ITGA5: variants seen among roughly 807,000 people sequenced by gnomAD.
ITGA5 encodes the protein integrin subunit alpha 5.
In ITGA5, 55 loss-of-function variants were observed where a neutral mutation model predicts 146.3. The observed-to-expected ratio is 0.38, with a 90% confidence interval of 0.30 to 0.47. The LOEUF (loss-of-function observed/expected upper bound fraction) is 0.47. ITGA5 is among the 20% of genes least tolerant of loss of function. ITGA5 has a pLI of 0.99. For missense variants in ITGA5, 1,131 were observed against 1,329.0 expected (o/e 0.85, Z 2.32); for synonymous variants, 500 against 531.8 (o/e 0.94, Z 0.82).
rs748546935 is a variant in ITGA5 at position 54,402,060 on chromosome 12, C to G, written c.2167G>C (p.Val723Leu). 6.2e-7 allele frequency: 1 copy of G among 1,614,060 alleles called. No homozygotes were observed. Among genetic ancestry groups the G allele is most frequent in the East Asian group, 2.2e-5 (1 of 44,884 alleles). ...CACACCAGCAGGCGGCTCTGGTTCA[C>G]GGCAAAGTAGTCACAGCTCAGGCTG... is the stretch of plus-strand genomic sequence containing the variant. Reference protein sequence around the residue: ...FSSLSCDYFAVNQSRLLVCDL... With the variant: ...FSSLSCDYFALNQSRLLVCDL... The change falls in exon 21 of 30, where the codon GTG becomes CTG. Residue 723 changes from valine (V) to leucine (L), a missense_variant. Physicochemically the swap from Val to Leu is conservative, Grantham distance 32. Around this residue, in one of 3 missense-constraint regions of ITGA5, gnomAD observed 889 missense variants for 1,021.5 expected, o/e 0.87. Transcript: ENST00000293379.
intron 20 of ITGA5, 27 bp from the exon 21 acceptor site, chr12:54,402,120 G>C: frequency 6.2e-7 from 1 of 1,613,892 alleles, no homozygotes; most frequent in South Asian, 1.1e-5. Flanking sequence ...CACTGGTCAG[G>C]TTTTGGTGTC....
chr12:54,398,773 T>A, intron 27 of ITGA5, 75 bp from the exon 28 acceptor site: 1 of 929,690 alleles, frequency 1.1e-6, no homozygotes, highest in Non-Finnish European at 1.6e-6. Flanking sequence ...ATCGTCTGGC[T>A]GGGGTTGTGA....
In ITGA5 at chr12:54,401,508, G is replaced by T; in HGVS notation, c.2388-30C>A. On this transcript the variant is annotated intron_variant, in intron 23 of 29. Coordinates refer to ENST00000293379, the MANE Select transcript of ITGA5 (RefSeq NM_002205.5). The surrounding 1 kb of genome is among the most constrained non-coding windows in gnomAD (Gnocchi z 5.0). Reference sequence around the variant, plus strand: ...GGAGGAGGGTGGTTTAGAGGAGGGTGGAAGGAACCCCATATGCATCCTTCC... The same window carrying T: ...GGAGGAGGGTGGTTTAGAGGAGGGTTGAAGGAACCCCATATGCATCCTTCC... 6.2e-7 allele frequency: 1 copy of T among 1,607,222 alleles called. No homozygotes were observed. The highest frequency in any genetic ancestry group is 8.5e-7 in the Non-Finnish European group (1 of 1,173,808).
At chr12:54,398,985 A>G (rs939054201) in intron 27 of ITGA5, among the ~76,000 whole-genome samples, 4 of 151,810 alleles carry the variant, frequency 2.6e-5, no homozygotes, top group Admixed American at 6.6e-5. Context: ...GACTACAGGC[A>G]TGTGCCATCA....
Position 54,419,099 on chromosome 12 carries a change from G to GCAGCAGCAGCAA in ITGA5, c.88_99dup (p.Leu30_Leu33dup). 1.3e-6 allele frequency: 2 copies of GCAGCAGCAGCAA among 1,587,538 alleles called. No homozygotes were observed. The highest frequency in any genetic ancestry group is 1.7e-6 in the Non-Finnish European group (2 of 1,169,966). On this transcript the variant is annotated inframe_insertion, in exon 1 of 30. Coordinates refer to ENST00000293379, the MANE Select transcript of ITGA5 (RefSeq NM_002205.5). ...AAGCCCCCGACCCTGGGTGGCGGCG[G>GCAGCAGCAGCAA]CAGCAGCAGCAACAGCAGCGGCAGC...
At position 54,397,381 on chromosome 12, in the gene ITGA5, A is replaced by T; in HGVS notation, c.3050T>A (p.Ile1017Asn). The change falls in exon 29 of 30, where the codon ATC becomes AAC. Residue 1017 changes from isoleucine (I) to asparagine (N), a missense_variant. Physicochemically the swap from Ile to Asn is moderately radical, Grantham distance 149. This residue lies in a region of ITGA5 where 889 missense variants were observed against 1,021.5 expected (regional missense o/e 0.87). Transcript: ENST00000293379. ...GTGGCTGACCTTGTAGAGGATGTAG[A>T]TGAGTAGACCTAGGAGCAGGAGGCC... is the stretch of plus-strand genomic sequence containing the variant. ...LFGLLLLGLL[I>N]YILYKLGFFK... 2 of 1,613,986 alleles carry T rather than the reference A, an allele frequency of 1.2e-6. No homozygotes were observed. The highest frequency in any genetic ancestry group is 8.5e-7 in the Non-Finnish European group (1 of 1,179,938).
In ITGA5 at chr12:54,409,577, A is replaced by G. The variant is rs753921333; in HGVS notation, c.370T>C (p.Ser124Pro). ...TCCTCTCCCTCTGAGCTGGACAGTG[A>G]GGACTCCAGGAGCCGAGAGCCTTGT... The part of the protein sequence containing the change: ...DSKGSRLLES[S>P]LSSSEGEEPV... Residue 124 changes from serine (S) to proline (P), a missense_variant, in exon 3 of 30, where the codon TCA becomes CCA. Around this residue, in one of 3 missense-constraint regions of ITGA5, gnomAD observed 175 missense variants for 179.3 expected, o/e 0.98. Coordinates refer to ENST00000293379, the MANE Select transcript of ITGA5 (RefSeq NM_002205.5). This position sits in a 1 kb window ranked among gnomAD's most constrained non-coding sequence, Gnocchi z 4.7. 2.0e-5 allele frequency: 32 copies of G among 1,613,050 alleles called. No homozygotes were observed. The Admixed American group carries it at 5.2e-4, about 26-fold the overall frequency.
intron 1 of ITGA5, 110 bp downstream of exon 1, chr12:54,418,871 A>C: frequency 9.9e-6 from 13 of 1,308,114 alleles, no homozygotes; most frequent in Non-Finnish European, 1.4e-5. Context: ...TCTATTCCTT[A>C]CAAACTCCAC....
intron 1 of ITGA5, among the ~76,000 whole-genome samples, chr12:54,414,232 G>A (rs980806074): frequency 2.0e-5 from 3 of 152,214 alleles, no homozygotes; most frequent in East Asian, 1.9e-4. Context: ...AACACGCCAA[G>A]TGAGGTGACT....
rs1196551673 is a variant in ITGA5, at chr12:54,403,488, G to C, written c.1776+137C>G. 7.8e-7 allele frequency: 1 copy of C among 1,274,034 alleles called. No individual in the cohort carries two copies. The highest frequency in any genetic ancestry group is 1.1e-6 in the Non-Finnish European group (1 of 928,248). 78.9% of individuals were successfully genotyped at this position (1,274,034 alleles called of 1,614,324 possible). On this transcript the variant is annotated intron_variant, in intron 17 of 29. Transcript: ENST00000293379. The surrounding 1 kb of genome is among the most constrained non-coding windows in gnomAD (Gnocchi z 4.9). Reference sequence around the variant, plus strand: ...CTGCTTCCCAGCTCCTCTGACAGAAGGTCTCCCTTTCTCAGCCCCTACAAG... The same window carrying C: ...CTGCTTCCCAGCTCCTCTGACAGAACGTCTCCCTTTCTCAGCCCCTACAAG...
At chr12:54,399,827 A>C in intron 26 of ITGA5, 37 bp downstream of exon 26, 1 of 1,606,486 alleles carries the variant, frequency 6.2e-7, no homozygotes. Context: ...AGAGTACTCA[A>C]CACTTTGGTC....
At position 54,419,178 on chromosome 12, in the gene ITGA5, C is replaced by G; in HGVS notation, c.21G>C (p.Glu7Asp). 1.3e-6 allele frequency: 2 copies of G among 1,569,428 alleles called. No individual in the cohort carries two copies. Among genetic ancestry groups the G allele is most frequent in the Non-Finnish European group, 1.7e-6 (2 of 1,158,518 alleles). Residue 7 changes from glutamate to aspartate, a missense_variant, in exon 1 of 30, where the codon GAG (glutamate) becomes GAC (aspartate). Transcript: ENST00000293379. MGSRTP[E>D]SPLHAVQLRW... is the part of the protein sequence containing the mutation. Reference sequence around the variant, plus strand: ...GCAGCTGCACGGCGTGGAGAGGGGACTCTGGCGTCCGGCTCCCCATAGCGC... The same window carrying G: ...GCAGCTGCACGGCGTGGAGAGGGGAGTCTGGCGTCCGGCTCCCCATAGCGC...
chr12:54,405,232 C>G lies in ITGA5; in HGVS notation c.1159G>C (p.Asp387His), dbSNP rs776870697. The change falls in exon 12 of 30, where the codon GAT (aspartate) becomes CAT (histidine). Residue 387 changes from aspartate (D) to histidine (H), a missense_variant. Around this residue, in one of 3 missense-constraint regions of ITGA5, gnomAD observed 889 missense variants for 1,021.5 expected, o/e 0.87. Transcript: ENST00000293379. ...PTPTLTLTGH[D>H]EFGRFGSSLT... ...GAGCTGCCAAATCGGCCAAACTCATCATGGCCAGTGAGGGTAAGGGTGGGC... is the reference window on the plus strand; with the variant it reads ...GAGCTGCCAAATCGGCCAAACTCATGATGGCCAGTGAGGGTAAGGGTGGGC... 17 of 1,613,272 alleles carry G rather than the reference C, an allele frequency of 1.1e-5. No homozygotes were observed. The East Asian group carries it at 3.8e-4, about 36-fold the overall frequency.
Position 54,404,264 on chromosome 12 carries a change from G to A in ITGA5, c.1464-18C>T, listed in dbSNP as rs113261097. The A allele has an allele frequency of 0.015, 23,853 of 1,595,074 alleles. 507 individuals carry two copies. The highest frequency in any genetic ancestry group is 0.075 in the South Asian group (6,634 of 88,252). ...GGCGGCCCCTGCCAAGAGTGAATGTGGGGTCAATAGAATTAGGACTCCTCT... is the reference window on the plus strand; with the variant it reads ...GGCGGCCCCTGCCAAGAGTGAATGTAGGGTCAATAGAATTAGGACTCCTCT... On this transcript the variant is annotated intron_variant, in intron 14 of 29. Transcript: ENST00000293379.
chr12:54,410,469 C>G (rs959567872), intron 2 of ITGA5, among the ~76,000 whole-genome samples: 10 of 151,864 alleles, frequency 6.6e-5, no homozygotes, highest in African/African-American at 1.7e-4. Flanking sequence ...CATCAGCCCC[C>G]CAAGTGGGTG....
intron 6 of ITGA5, among the ~76,000 whole-genome samples, chr12:54,408,487 A>G (rs868330652): frequency 6.6e-5 from 10 of 151,972 alleles, no homozygotes; most frequent in South Asian, 4.2e-4. Context: ...CAGCACTTTG[A>G]GAGGCCAAGA....
Position 54,399,772 on chromosome 12 carries a change from A to T in ITGA5, c.2728-14T>A. The T allele has an allele frequency of 1.2e-6, 2 of 1,613,340 alleles. No individual in the cohort carries two copies. Among genetic ancestry groups the T allele is most frequent in the Non-Finnish European group, 1.7e-6 (2 of 1,179,244 alleles). On this transcript the variant is annotated splice_polypyrimidine_tract_variant and intron_variant, in intron 26 of 29. Transcript: ENST00000293379. The stretch of plus-strand genomic sequence containing the variant: ...CTCCGGGCATTTCTAGGAAGAAAGA[A>T]GCTTGAACCTGGTGTTCTGCCCTTG...
At position 54,402,046 on chromosome 12, in the gene ITGA5, G is replaced by A. The variant is rs144273124; in HGVS notation, c.2181C>T (p.Arg727=). Reference sequence around the variant, plus strand: ...GGTTGCCCAGGTCACACACCAGCAGGCGGCTCTGGTTCACGGCAAAGTAGT... The same window carrying A: ...GGTTGCCCAGGTCACACACCAGCAGACGGCTCTGGTTCACGGCAAAGTAGT... ...SCDYFAVNQS[R]LLVCDLGNPM... is the part of the protein sequence containing the mutation. Residue 727 remains arginine (R), a synonymous_variant, in exon 21 of 30, where the codon CGC becomes CGT. Coordinates refer to ENST00000293379, the MANE Select transcript of ITGA5 (RefSeq NM_002205.5). The A allele has an allele frequency of 1.4e-5, 22 of 1,614,080 alleles. No homozygotes were observed. The highest frequency in any genetic ancestry group is 1.6e-4 in the Middle Eastern group (1 of 6,084).
rs766387454 is a variant in ITGA5 at position 54,418,993 on chromosome 12, G to T, written c.206C>A (p.Pro69Gln). 3 of 1,579,768 alleles carry T rather than the reference G, an allele frequency of 1.9e-6. No individual in the cohort carries two copies. The East Asian group carries it at 7.1e-5, about 37-fold the overall frequency. Residue 69 changes from proline to glutamine, a missense_variant, in exon 1 of 30, where the codon CCG becomes CAG. This residue lies in a region of ITGA5 where 175 missense variants were observed against 179.3 expected (regional missense o/e 0.98). Transcript: ENST00000293379. ...FFGFSVEFYR[P>Q]GTDGVSVLVG... ...CCTCCTCACTCACCCGTCTGTTCCC[G>T]GCCGGTAAAACTCCACTGAGAATCC...
Sources: gnomAD v4.1 joint callset for allele counts (sites outside exome capture counted in the v4.1 genomes callset) on GRCh38, gnomAD v4.1.1 for gene constraint, gnomAD v4.1.1 regional missense constraint, Gnocchi (gnomAD v3.1) non-coding constraint, MANE v1.5 for transcripts, NCBI Gene and HGNC (gene_info 2026-07-23, HGNC 2026-07-21) for gene names.